FBXL20: variants seen among roughly 807,000 people sequenced by gnomAD.
The protein encoded by FBXL20 is F-box/LRR-repeat protein 20.
Under a neutral mutation model 64.0 loss-of-function variants are expected in FBXL20, and 11 were observed. The observed-to-expected ratio is 0.17, with a 90% CI of 0.11 to 0.28. FBXL20 has a LOEUF of 0.28. Among genes scored for constraint, FBXL20 ranks in the 10% least tolerant of loss-of-function variants. The pLI, the probability that FBXL20 is intolerant of heterozygous loss-of-function variation, is 1.00. For missense variants in FBXL20, 303 were observed against 526.2 expected (o/e 0.58, Z 4.15); for synonymous variants, 184 against 189.0 (o/e 0.97, Z 0.22).
chr17:39,334,921 G>C (rs1448676122), intron 2 of FBXL20, among the ~76,000 whole-genome samples: 1 of 152,136 alleles, frequency 6.6e-6, no homozygotes, highest in African/African-American at 2.4e-5. Flanking sequence ...AACACCGTTG[G>C]AACAGAAATT....
intron 2 of FBXL20, among the ~76,000 whole-genome samples, chr17:39,313,417 G>A (rs1190287314): frequency 6.6e-6 from 1 of 151,076 alleles, no homozygotes; most frequent in Non-Finnish European, 1.5e-5. Flanking sequence ...ATTTTTAGTA[G>A]AGACAGCGTT....
intron 5 of FBXL20, among the ~76,000 whole-genome samples, chr17:39,298,207 C>A (rs2047103674): frequency 6.6e-6 from 1 of 152,112 alleles, no homozygotes. Flanking sequence ...CTCAACCTCC[C>A]AGGCTCAAGT....
At chr17:39,322,027 T>A (rs1326839997) in intron 2 of FBXL20, among the ~76,000 whole-genome samples, 1 of 151,964 alleles carries the variant, frequency 6.6e-6, no homozygotes, top group African/African-American at 2.4e-5. Context: ...AATAATGTCT[T>A]GCTACAAGAC....
chr17:39,337,848 G>T (rs1013613295), intron 2 of FBXL20, among the ~76,000 whole-genome samples: 6 of 150,856 alleles, frequency 4.0e-5, no homozygotes, highest in Admixed American at 4.0e-4. Context: ...CAGGCCAGCC[G>T]CCCCGTCCAG....
At chr17:39,263,943 G>T in intron 14 of FBXL20, 1 of 490,728 alleles carries the variant, frequency 2.0e-6, no homozygotes, top group Non-Finnish European at 3.7e-6. Context: ...AGACTCTGCT[G>T]GGAGGAGACC....
intron 11 of FBXL20, among the ~76,000 whole-genome samples, chr17:39,270,344 G>A (rs973095607): frequency 6.6e-6 from 1 of 152,144 alleles, no homozygotes; most frequent in Admixed American, 6.5e-5. Flanking sequence ...GGGAGTTGAA[G>A]ACCAGCCTGG....
chr17:39,326,677 A>G (rs7223331), intron 2 of FBXL20, among the ~76,000 whole-genome samples: 57,473 of 150,964 alleles, frequency 0.38, 14,026 homozygotes, highest in African/African-American at 0.7. Context: ...GAGTGCAGTG[A>G]TGCTATCATA....
At chr17:39,372,837 C>G (rs1234412137) in intron 1 of FBXL20, among the ~76,000 whole-genome samples, 2 of 151,944 alleles carry the variant, frequency 1.3e-5, no homozygotes, top group South Asian at 2.1e-4. Context: ...GTTGGTCAGG[C>G]TGGTCACAAA....
chr17:39,281,059 C>T (rs1027397851), intron 9 of FBXL20, among the ~76,000 whole-genome samples: 1 of 152,174 alleles, frequency 6.6e-6, no homozygotes, highest in African/African-American at 2.4e-5. Context: ...CCACCGTGCC[C>T]AGCTTGACTG....
intron 1 of FBXL20, among the ~76,000 whole-genome samples, chr17:39,346,277 G>A (rs1267025518): frequency 6.6e-6 from 1 of 152,004 alleles, no homozygotes; most frequent in Non-Finnish European, 1.5e-5. Flanking sequence ...GGAAGTCAAG[G>A]ATGCAGTGGA....
intron 1 of FBXL20, among the ~76,000 whole-genome samples, chr17:39,389,331 C>A (rs144948807): frequency 2.0e-5 from 3 of 152,150 alleles, no homozygotes; most frequent in Non-Finnish European, 4.4e-5. Flanking sequence ...AAGTGGGTGG[C>A]AGAAATAAGT....
At chr17:39,354,485 C>T (rs2047717473) in intron 1 of FBXL20, among the ~76,000 whole-genome samples, 1 of 152,182 alleles carries the variant, frequency 6.6e-6, no homozygotes, top group Non-Finnish European at 1.5e-5. Flanking sequence ...ACCAGTCCTA[C>T]GTTGGTGTTA....
At chr17:39,267,318 G>C (rs919419203) in intron 12 of FBXL20, among the ~76,000 whole-genome samples, 1 of 151,832 alleles carries the variant, frequency 6.6e-6, no homozygotes, top group Non-Finnish European at 1.5e-5. Context: ...AAAAAAAACA[G>C]TCTGAGCGAT....
intron 1 of FBXL20, among the ~76,000 whole-genome samples, chr17:39,349,324 C>CAAA (rs1170336581): frequency 1.5e-4 from 6 of 40,528 alleles, no homozygotes; most frequent in African/African-American, 4.0e-4. Context: ...GATTCCATCT[C>CAAA]AAAAAAAAAA....
At chr17:39,370,583 G>A (rs1314063935) in intron 1 of FBXL20, among the ~76,000 whole-genome samples, 3 of 150,254 alleles carry the variant, frequency 2.0e-5, no homozygotes, top group Admixed American at 6.6e-5. Context: ...TCAGGAGATC[G>A]AGACCATCCT....
At chr17:39,401,827 G>T, upstream of FBXL20, 1 of 605,846 alleles carries the variant, frequency 1.7e-6, no homozygotes, top group Non-Finnish European at 2.2e-6. Context: ...GCCGGTGCGC[G>T]GCGGCGGCAC....
intron 2 of FBXL20, among the ~76,000 whole-genome samples, chr17:39,327,977 G>A (rs907465049): frequency 1.3e-5 from 2 of 152,166 alleles, no homozygotes; most frequent in African/African-American, 4.8e-5. Flanking sequence ...GCCAGGCAAA[G>A]TGGCTCATGC....
At chr17:39,296,946 G>T (rs904690661) in intron 6 of FBXL20, among the ~76,000 whole-genome samples, 181 bp downstream of exon 6, 7 of 152,116 alleles carry the variant, frequency 4.6e-5, no homozygotes, top group Non-Finnish European at 1.0e-4. Context: ...ATCAAAGATA[G>T]AATTCCAAAA....
At chr17:39,281,790 T>G (rs1432609040) in intron 8 of FBXL20, among the ~76,000 whole-genome samples, 1 of 152,104 alleles carries the variant, frequency 6.6e-6, no homozygotes, top group East Asian at 1.9e-4. Flanking sequence ...CCCATGAAAC[T>G]AAAATAATTT....
Sources: allele counts gnomAD v4.1 joint callset (sites outside exome capture counted in the v4.1 genomes callset), GRCh38; gene constraint gnomAD v4.1.1; transcripts MANE v1.5; gene names NCBI Gene and HGNC (gene_info 2026-07-23, HGNC 2026-07-21).